The following CALN1 variants were observed in gnomAD, a reference collection of about 807,000 sequenced individuals.
CALN1 encodes calneuron 1.
A neutral mutation model predicts 30.6 loss-of-function variants in CALN1; 17 were observed. The ratio of observed to expected loss-of-function variants is 0.56; its 90% CI spans 0.38 to 0.83. CALN1 has a LOEUF of 0.83. Among genes scored for constraint, CALN1 ranks in the 40% least tolerant of loss-of-function variants. The probability of loss-of-function intolerance (pLI) is 0.00; values close to 1 mark genes in which losing one functional copy is unlikely to be tolerated. For synonymous variants in CALN1, 156 were observed against 131.4 expected, an observed-to-expected ratio of 1.19 and a Z score of -1.28; for missense variants, 291 against 354.9, an observed-to-expected ratio of 0.82 and a Z score of 1.45.
chr7:72,238,722 C>A (rs758453488), intron 3 of CALN1, among the ~76,000 whole-genome samples: 2 of 152,126 alleles, frequency 1.3e-5, no homozygotes, highest in Non-Finnish European at 2.9e-5. Context: ...GCTGCCGCCA[C>A]GTGAAGAAGG....
intron 3 of CALN1, among the ~76,000 whole-genome samples, chr7:72,130,408 T>C (rs892444277): frequency 1.2e-4 from 19 of 152,250 alleles, no homozygotes; most frequent in Middle Eastern, 3.4e-3. Context: ...CATTTACTTA[T>C]GAAAAAAAGA....
rs377110061 is a variant in CALN1 at position 72,037,294 on chromosome 7, G to A, written c.389-13525C>T. Among the ~76,000 whole-genome samples, 29 of 152,246 alleles carry A rather than the reference G, an allele frequency of 1.9e-4. 1 individual carries two copies. In the South Asian group the frequency reaches 5.8e-3, roughly 30 times the overall value. On this transcript the variant is annotated intron_variant, in intron 4 of 6. Transcript: ENST00000395275. ...GCCTCCCGAGTAGCTGGGACCACAG[G>A]TGCCTGCTACCACCGCAGCTAATTT...
intron 5 of CALN1, among the ~76,000 whole-genome samples, chr7:72,012,860 A>G (rs1263647516): frequency 6.6e-6 from 1 of 152,142 alleles, no homozygotes; most frequent in Non-Finnish European, 1.5e-5. Context: ...CAAGGGCGTG[A>G]TCTTGGCTCA....
chr7:72,013,828 A>G (rs1366782876), intron 5 of CALN1, among the ~76,000 whole-genome samples: 1 of 151,988 alleles, frequency 6.6e-6, no homozygotes, highest in East Asian at 1.9e-4. Flanking sequence ...TCTAACAATT[A>G]TATAATATTT....
At chr7:72,348,535 A>G (rs2129559151) in intron 2 of CALN1, among the ~76,000 whole-genome samples, 1 of 152,358 alleles carries the variant, frequency 6.6e-6, no homozygotes, top group South Asian at 2.1e-4. Context: ...AGATGTGCAT[A>G]AAGAGACAAA....
intron 4 of CALN1, among the ~76,000 whole-genome samples, chr7:72,051,193 AAG>A (rs1283894541): frequency 1.3e-5 from 2 of 151,948 alleles, no homozygotes; most frequent in African/African-American, 2.4e-5. Flanking sequence ...TTGTATCAAA[AAG>A]AGAGTTATTT....
intron 2 of CALN1, among the ~76,000 whole-genome samples, chr7:72,320,605 T>A (rs903028143): frequency 6.6e-6 from 1 of 151,798 alleles, no homozygotes; most frequent in Non-Finnish European, 1.5e-5. Context: ...GAGGCCGCGG[T>A]GGTCGGATCA....
intron 2 of CALN1, among the ~76,000 whole-genome samples, chr7:72,400,386 A>G (rs1308562132): frequency 6.6e-6 from 1 of 152,164 alleles, no homozygotes; most frequent in African/African-American, 2.4e-5. Flanking sequence ...TCATCTTCAT[A>G]TGGACAGAGA....
intron 5 of CALN1, among the ~76,000 whole-genome samples, chr7:71,909,119 C>T (rs556341032): frequency 2.6e-5 from 4 of 152,222 alleles, no homozygotes; most frequent in African/African-American, 7.2e-5. Flanking sequence ...TAGGCTCAAG[C>T]GATCTTCCCA....
chr7:72,268,481 A>C (rs973247051), intron 3 of CALN1, among the ~76,000 whole-genome samples: 3 of 152,214 alleles, frequency 2.0e-5, no homozygotes, highest in Non-Finnish European at 4.4e-5. Context: ...TGACAATTTT[A>C]ACTAATTCAG....
upstream of CALN1, among the ~76,000 whole-genome samples, chr7:72,451,158 GAGA>G (rs1186788359): frequency 1.4e-5 from 2 of 145,666 alleles, no homozygotes; most frequent in Non-Finnish European, 3.0e-5. Flanking sequence ...GGAGAAGAAG[GAGA>G]AGGAGGAGGA....
In CALN1 at chr7:71,831,471, C is replaced by A. The variant is rs1033301590; in HGVS notation, c.502-20979G>T. 2.0e-5 allele frequency among the ~76,000 whole-genome samples: 3 copies of A among 151,998 alleles called. No individual in the cohort carries two copies. The East Asian group carries it at 5.8e-4, about 29-fold the overall frequency. On this transcript the variant is annotated intron_variant, in intron 5 of 6. Transcript: ENST00000395275. The stretch of plus-strand genomic sequence containing the variant: ...CTCCAGCCTGGGCAACAGAGCAAGA[C>A]CCTGTCTCAAAATAATTAATTAATT...
chr7:72,350,662 A>G (rs757349054), intron 2 of CALN1, among the ~76,000 whole-genome samples: 6 of 152,150 alleles, frequency 3.9e-5, no homozygotes, highest in African/African-American at 1.2e-4. Flanking sequence ...GGATCAGAAA[A>G]CTACCTACCA....
intron 5 of CALN1, among the ~76,000 whole-genome samples, chr7:71,949,377 G>A (rs769872999): frequency 1.3e-5 from 2 of 151,910 alleles, no homozygotes; most frequent in East Asian, 1.9e-4. Context: ...TGGAAACCTC[G>A]AGAGGGTTTT....
At chr7:71,907,254 A>G (rs939688182) in intron 5 of CALN1, among the ~76,000 whole-genome samples, 25 of 152,084 alleles carry the variant, frequency 1.6e-4, no homozygotes, top group African/African-American at 4.6e-4. Flanking sequence ...ACACACACAC[A>G]CACACACACA....
chr7:71,975,928 G>C (rs1182441384), intron 5 of CALN1, among the ~76,000 whole-genome samples: 1 of 146,674 alleles, frequency 6.8e-6, no homozygotes, highest in Non-Finnish European at 1.5e-5. Context: ...CATTACTTTT[G>C]ATGGCAAAAA....
intron 1 of CALN1, among the ~76,000 whole-genome samples, chr7:72,411,172 A>C (rs1357456453): frequency 2.6e-5 from 4 of 152,246 alleles, no homozygotes. Flanking sequence ...AACTATCAAA[A>C]GGAAAAAGCA....
chr7:71,907,557 T>C (rs1020587916), intron 5 of CALN1, among the ~76,000 whole-genome samples: 4 of 152,210 alleles, frequency 2.6e-5, no homozygotes, highest in Non-Finnish European at 4.4e-5. Context: ...TTCCCCTATG[T>C]GATTTTGGAG....
intron 3 of CALN1, among the ~76,000 whole-genome samples, chr7:72,209,989 A>C (rs1210050887): frequency 1.3e-5 from 2 of 152,162 alleles, no homozygotes; most frequent in African/African-American, 4.8e-5. Context: ...AAGTCATAAG[A>C]GGGTGTTCCA....
Sources: gnomAD v4.1 joint callset for allele counts (sites outside exome capture counted in the v4.1 genomes callset) on GRCh38, gnomAD v4.1.1 for gene constraint, MANE v1.5 for transcripts, NCBI Gene and HGNC (gene_info 2026-07-23, HGNC 2026-07-21) for gene names.